Variants in CFAP44 observed in about 807,000 individuals in gnomAD.
The protein encoded by CFAP44 is cilia and flagella associated protein 44, also known as cilia- and flagella-associated protein 44.
A neutral mutation model predicts 216.2 loss-of-function variants in CFAP44; 134 were observed. The observed-to-expected ratio is 0.62, with a 90% CI of 0.54 to 0.72. The LOEUF (loss-of-function observed/expected upper bound fraction) is 0.72, where lower values mean the gene tolerates loss of function less well. Ranked by LOEUF, CFAP44 falls within the 30% of genes least tolerant of loss-of-function variation. The probability of loss-of-function intolerance (pLI) is 0.00; values close to 1 mark genes in which losing one functional copy is unlikely to be tolerated. For missense variants in CFAP44, 2,035 were observed against 2,182.1 expected (o/e 0.93, Z 1.34); for synonymous variants, 700 against 727.6 (o/e 0.96, Z 0.61).
intron 22 of CFAP44, among the ~76,000 whole-genome samples, chr3:113,357,147 G>A (rs571436065): frequency 1.3e-5 from 2 of 152,220 alleles, no homozygotes; most frequent in South Asian, 4.2e-4. Context: ...TCAGGGAGAT[G>A]CCAATTTAAA....
intron 4 of CFAP44, among the ~76,000 whole-genome samples, chr3:113,425,328 C>T (rs1934931222): frequency 6.6e-6 from 1 of 152,126 alleles, no homozygotes; most frequent in Non-Finnish European, 1.5e-5. Context: ...ACTAACTATC[C>T]AAAAGGGAAG....
At chr3:113,384,995 A>G (rs1481463663) in intron 15 of CFAP44, among the ~76,000 whole-genome samples, 2 of 152,110 alleles carry the variant, frequency 1.3e-5, no homozygotes, top group Admixed American at 1.3e-4. Flanking sequence ...CATGGGAGGG[A>G]CCTGGTGGAA....
At chr3:113,391,906 T>G (rs1191511057) in intron 15 of CFAP44, among the ~76,000 whole-genome samples, 2 of 152,158 alleles carry the variant, frequency 1.3e-5, no homozygotes, top group African/African-American at 4.8e-5. Context: ...CAATGCCAAA[T>G]GCTGGCAAGA....
intron 17 of CFAP44, among the ~76,000 whole-genome samples, chr3:113,374,280 T>C (rs930670759): frequency 1.3e-5 from 2 of 151,972 alleles, no homozygotes; most frequent in Admixed American, 6.6e-5. Flanking sequence ...GCTACCAAAA[T>C]AGCAAGATCC....
At chr3:113,334,232 G>A (rs770017779) in intron 24 of CFAP44, among the ~76,000 whole-genome samples, 1 of 152,214 alleles carries the variant, frequency 6.6e-6, no homozygotes, top group Non-Finnish European at 1.5e-5. Context: ...TTATAGGTGT[G>A]AGCCATCATG....
At chr3:113,354,649 G>C (rs748318406) in intron 22 of CFAP44, among the ~76,000 whole-genome samples, 3 of 152,092 alleles carry the variant, frequency 2.0e-5, no homozygotes, top group Non-Finnish European at 4.4e-5. Context: ...CCAAGGAGAG[G>C]GTGAGCTCAG....
chr3:113,337,661 T>G (rs1950292030), intron 24 of CFAP44, among the ~76,000 whole-genome samples: 1 of 152,104 alleles, frequency 6.6e-6, no homozygotes, highest in Non-Finnish European at 1.5e-5. Flanking sequence ...TATGTCCAAA[T>G]GATTTCTGAC....
In CFAP44 at chr3:113,433,683, A is replaced by T. The variant is rs1451719370; in HGVS notation, c.-5-14T>A. On this transcript the variant is annotated splice_polypyrimidine_tract_variant and intron_variant, in intron 1 of 34. Transcript: ENST00000393845. Reference sequence around the variant, plus strand: ...CCTTCATTTCCTCTGTAAGTACAAAATGGGGATGAGATATGGATAAAGCTG... The same window carrying T: ...CCTTCATTTCCTCTGTAAGTACAAATTGGGGATGAGATATGGATAAAGCTG... 6.3e-7 allele frequency: 1 copy of T among 1,586,342 alleles called. No individual in the cohort carries two copies. The highest frequency in any genetic ancestry group is 2.2e-5 in the East Asian group (1 of 44,738).
intron 28 of CFAP44, among the ~76,000 whole-genome samples, chr3:113,320,475 T>TATC (rs1950134802): frequency 1.1e-5 from 1 of 87,636 alleles, no homozygotes; most frequent in Non-Finnish European, 2.3e-5. Flanking sequence ...TCATATATGA[T>TATC]ATATATGATA....
At chr3:113,435,306 T>TA (rs1279108657) in intron 1 of CFAP44, among the ~76,000 whole-genome samples, 2 of 152,110 alleles carry the variant, frequency 1.3e-5, no homozygotes, top group Non-Finnish European at 2.9e-5. Context: ...TCAGGACACT[T>TA]ACAATCATAG....
chr3:113,333,568 A>G lies in CFAP44; in HGVS notation c.3453T>C (p.Pro1151=). The change falls in exon 25 of 35, where the codon CCT becomes CCC. Residue 1151 remains proline (P), a synonymous_variant. Transcript: ENST00000393845. ...CTTTGGGATCTTCATAGTCATCACC[A>G]GGTTTACTCTTGTATCTATTAGAAA... The part of the protein sequence containing the change: ...KEWEELYKSK[P]GDDYEDPKDL... 1 of 1,533,076 alleles carries G rather than the reference A, an allele frequency of 6.5e-7. No individual in the cohort carries two copies. The highest frequency in any genetic ancestry group is 8.7e-7 in the Non-Finnish European group (1 of 1,145,806). The allele number at this position is 1,533,076 out of a possible 1,614,324, so 95.0% of individuals were successfully genotyped here.
chr3:113,356,088 A>C (rs1950490366), intron 22 of CFAP44, among the ~76,000 whole-genome samples: 1 of 149,752 alleles, frequency 6.7e-6, no homozygotes, highest in Non-Finnish European at 1.5e-5. Flanking sequence ...AGGAAAGCGT[A>C]CATTAAAGTG....
At chr3:113,328,817 T>G (rs147738985) in intron 26 of CFAP44, among the ~76,000 whole-genome samples, 14 of 151,350 alleles carry the variant, frequency 9.3e-5, no homozygotes, top group African/African-American at 3.1e-4. Context: ...TTAACAAACT[T>G]GAATTATTCC....
At position 113,418,612 on chromosome 3, in the gene CFAP44, C is replaced by T. The variant is rs540526641; in HGVS notation, c.570+1405G>A. On this transcript the variant is annotated intron_variant, in intron 5 of 34. Transcript: ENST00000393845. Reference sequence around the variant, plus strand: ...GCCTCTGTCACTACCCAGGCTTCAACAGCTCCAGCACACATGAAGAAAAGG... The same window carrying T: ...GCCTCTGTCACTACCCAGGCTTCAATAGCTCCAGCACACATGAAGAAAAGG... Among the ~76,000 whole-genome samples, 4 of 152,318 alleles carry T rather than the reference C, an allele frequency of 2.6e-5. No individual in the cohort carries two copies. In the East Asian group the frequency reaches 5.8e-4, roughly 22 times the overall value.
intron 32 of CFAP44, among the ~76,000 whole-genome samples, chr3:113,300,264 TTAGA>T (rs1949922264): frequency 6.6e-6 from 1 of 152,258 alleles, no homozygotes; most frequent in South Asian, 2.1e-4. Flanking sequence ...ACAAAAACAG[TTAGA>T]TAGAATAAAT....
chr3:113,425,125 G>T (rs994784663), intron 4 of CFAP44, among the ~76,000 whole-genome samples: 2 of 152,196 alleles, frequency 1.3e-5, no homozygotes, highest in Non-Finnish European at 2.9e-5. Context: ...AAAAAGCCAT[G>T]AAGAGAGAAA....
Position 113,330,336 on chromosome 3 carries a change from A to C in CFAP44, c.3948T>G (p.Asp1316Glu), listed in dbSNP as rs1950229532. 7.8e-6 allele frequency: 12 copies of C among 1,537,162 alleles called. No homozygotes were observed. Among genetic ancestry groups the C allele is most frequent in the Non-Finnish European group, 9.6e-6 (11 of 1,146,908 alleles). Residue 1316 changes from aspartate (D) to glutamate (E), a missense_variant, in exon 26 of 35, where the codon GAT (aspartate) becomes GAG (glutamate). By Grantham distance (45) the Asp-to-Glu change is conservative. Around this residue, in one of 3 missense-constraint regions of CFAP44, gnomAD observed 1,883 missense variants for 2,023.7 expected, o/e 0.93. Transcript: ENST00000393845. ...FLKLSSRKDG[D>E]LTTRDSISRS... ...TAGATATTGAATCACGGGTTGTCAA[A>C]TCCCCATCCTTTCTAGAAGAGAGTT...
chr3:113,422,726 A>C, intron 4 of CFAP44, among the ~76,000 whole-genome samples: 1 of 152,116 alleles, frequency 6.6e-6, no homozygotes, highest in Admixed American at 6.5e-5. Flanking sequence ...AGGTGGCAAT[A>C]TGATACCTCA....
At chr3:113,301,345 G>C (rs535390731) in intron 32 of CFAP44, among the ~76,000 whole-genome samples, 17 of 151,914 alleles carry the variant, frequency 1.1e-4, no homozygotes, top group Non-Finnish European at 2.1e-4. Context: ...CATAAAATTG[G>C]GAATGGTGGC....
Sources: allele counts gnomAD v4.1 joint callset (sites outside exome capture counted in the v4.1 genomes callset), GRCh38; gene constraint gnomAD v4.1.1; regional missense constraint gnomAD v4.1.1; transcripts MANE v1.5; gene names NCBI Gene and HGNC (gene_info 2026-07-23, HGNC 2026-07-21).